Variants in CSNK2A2IP observed in about 807,000 individuals in gnomAD.
The protein encoded by CSNK2A2IP is casein kinase II subunit alpha'-interacting protein.
the CSNK2A2IP span, among the ~76,000 whole-genome samples, chr3:88,387,402 C>T: frequency 1.8e-4 from 28 of 152,116 alleles, no homozygotes; most frequent in African/African-American, 6.8e-4. Flanking sequence ...GTCTCTTGAC[C>T]TCGTGATCCA....
At chr3:88,372,096 A>G in the CSNK2A2IP span, among the ~76,000 whole-genome samples, 4 of 151,668 alleles carry the variant, frequency 2.6e-5, no homozygotes, top group Non-Finnish European at 5.9e-5. Context: ...ATTATACATT[A>G]TTGCCAATAT....
chr3:88,384,668 A>G, the CSNK2A2IP span, among the ~76,000 whole-genome samples: 1 of 152,292 alleles, frequency 6.6e-6, no homozygotes, highest in Non-Finnish European at 1.5e-5. Flanking sequence ...AAAGTGAACA[A>G]TTTTTGTGGC....
At chr3:88,392,289 T>C in the CSNK2A2IP span, among the ~76,000 whole-genome samples, 1 of 152,188 alleles carries the variant, frequency 6.6e-6, no homozygotes. Flanking sequence ...TGGTTCAGAA[T>C]TCAGGAGAGA....
At chr3:88,384,855 G>A in the CSNK2A2IP span, among the ~76,000 whole-genome samples, 1 of 152,108 alleles carries the variant, frequency 6.6e-6, no homozygotes, top group Non-Finnish European at 1.5e-5. Flanking sequence ...ACAATAGACT[G>A]GTTGAAGGCA....
chr3:88,417,130 C>A, the CSNK2A2IP span, among the ~76,000 whole-genome samples: 17 of 151,332 alleles, frequency 1.1e-4, no homozygotes, highest in Admixed American at 1.1e-3. Flanking sequence ...AAATGTCCTG[C>A]TTTTAGTTTA....
the CSNK2A2IP span, among the ~76,000 whole-genome samples, chr3:88,429,619 G>A: frequency 1.3e-5 from 2 of 152,042 alleles, no homozygotes; most frequent in African/African-American, 4.8e-5. Flanking sequence ...TTATCAGATG[G>A]GCCTGGATTG....
the CSNK2A2IP span, among the ~76,000 whole-genome samples, chr3:88,387,344 T>G: frequency 6.6e-6 from 1 of 152,058 alleles, no homozygotes; most frequent in African/African-American, 2.4e-5. Flanking sequence ...CTAATTTTTG[T>G]ATTTTTCGTA....
At chr3:88,450,299 C>CT in the CSNK2A2IP span, among the ~76,000 whole-genome samples, 17 of 151,776 alleles carry the variant, frequency 1.1e-4, no homozygotes, top group Middle Eastern at 3.2e-3. Context: ...CACATAGTTA[C>CT]TTTTTTTTGG....
At chr3:88,395,101 A>G in the CSNK2A2IP span, among the ~76,000 whole-genome samples, 2 of 152,214 alleles carry the variant, frequency 1.3e-5, no homozygotes, top group East Asian at 3.9e-4. Flanking sequence ...GTTTAAGTAT[A>G]CACACTCATA....
At chr3:88,456,022 G>T in the CSNK2A2IP span, among the ~76,000 whole-genome samples, 2 of 151,762 alleles carry the variant, frequency 1.3e-5, no homozygotes, top group Admixed American at 1.3e-4. Flanking sequence ...ATATGTATGG[G>T]TTTATTTCTG....
At chr3:88,358,349 G>A in the CSNK2A2IP span, among the ~76,000 whole-genome samples, 2 of 151,920 alleles carry the variant, frequency 1.3e-5, no homozygotes. Context: ...AATTACTTCG[G>A]CTAAGACTTC....
At chr3:88,405,235 G>C in the CSNK2A2IP span, among the ~76,000 whole-genome samples, 1 of 152,082 alleles carries the variant, frequency 6.6e-6, no homozygotes, top group Non-Finnish European at 1.5e-5. Context: ...CCAACTCTTT[G>C]AATAAAGTTG....
the CSNK2A2IP span, among the ~76,000 whole-genome samples, chr3:88,342,250 C>T: frequency 6.6e-6 from 1 of 151,978 alleles, no homozygotes; most frequent in Admixed American, 6.6e-5. Flanking sequence ...AAGCTGCCTC[C>T]TTACATATTA....
At chr3:88,359,318 A>G in the CSNK2A2IP span, among the ~76,000 whole-genome samples, 2 of 149,778 alleles carry the variant, frequency 1.3e-5, no homozygotes, top group East Asian at 1.9e-4. Flanking sequence ...TATCTTTTCA[A>G]AAAACAAAAT....
chr3:88,364,775 C>T, the CSNK2A2IP span, among the ~76,000 whole-genome samples: 21 of 151,952 alleles, frequency 1.4e-4, no homozygotes, highest in African/African-American at 4.8e-4. Context: ...AGTTAGTTGG[C>T]TAAATTTATC....
At chr3:88,407,915 G>T in the CSNK2A2IP span, among the ~76,000 whole-genome samples, 1 of 151,900 alleles carries the variant, frequency 6.6e-6, no homozygotes, top group African/African-American at 2.4e-5. Context: ...ATAGAGACGG[G>T]TTTCACCATG....
the CSNK2A2IP span, among the ~76,000 whole-genome samples, chr3:88,412,331 C>G: frequency 3.9e-5 from 6 of 152,046 alleles, no homozygotes; most frequent in East Asian, 1.2e-3. Flanking sequence ...AGGGGAAAGG[C>G]CTTCTACTAA....
At chr3:88,435,633 T>C in the CSNK2A2IP span, among the ~76,000 whole-genome samples, 6 of 152,142 alleles carry the variant, frequency 3.9e-5, no homozygotes, top group African/African-American at 7.2e-5. Flanking sequence ...ATTTCCTCTT[T>C]TCTATTACTT....
the CSNK2A2IP span, among the ~76,000 whole-genome samples, chr3:88,413,261 G>A: frequency 6.6e-6 from 1 of 151,928 alleles, no homozygotes; most frequent in African/African-American, 2.4e-5. Flanking sequence ...CTGGAAAGCA[G>A]GATGGTGTAT....
Sources: allele counts gnomAD v4.1 joint callset (sites outside exome capture counted in the v4.1 genomes callset), GRCh38; gene constraint gnomAD v4.1.1; transcripts MANE v1.5; gene names NCBI Gene and HGNC (gene_info 2026-07-23, HGNC 2026-07-21).